Variants in PPARD observed in about 807,000 individuals in gnomAD.
PPARD encodes peroxisome proliferator-activated receptor delta.
In PPARD, 6 loss-of-function variants were observed where a neutral mutation model predicts 39.5. The ratio of observed to expected loss-of-function variants is 0.15; its 90% CI spans 0.08 to 0.30. The LOEUF (loss-of-function observed/expected upper bound fraction) is 0.30. Among genes scored for constraint, PPARD ranks in the 10% least tolerant of loss-of-function variants. The pLI is 1.00. For synonymous variants in PPARD, 210 were observed against 231.3 expected, an observed-to-expected ratio of 0.91 and a Z score of 0.83; for missense variants, 397 against 596.8, an observed-to-expected ratio of 0.67 and a Z score of 3.49.
intron 2 of PPARD, among the ~76,000 whole-genome samples, chr6:35,405,916 C>T (rs1765017948): frequency 6.6e-6 from 1 of 151,378 alleles, no homozygotes; most frequent in African/African-American, 2.4e-5. Flanking sequence ...AGGCATGAAC[C>T]ACCGCACCTG....
chr6:35,394,813 A>T (rs1047039528), intron 2 of PPARD, among the ~76,000 whole-genome samples: 2 of 151,628 alleles, frequency 1.3e-5, no homozygotes, highest in South Asian at 2.1e-4. Flanking sequence ...GATAAGCAAT[A>T]AAAAAAGTAG....
rs952086354 is a variant in PPARD, at chr6:35,366,765, G to T, written c.-102+19615G>T. On this transcript the variant is annotated intron_variant, in intron 2 of 7. Transcript: ENST00000360694. This position sits in a 1 kb window ranked among gnomAD's most constrained non-coding sequence, Gnocchi z 4.6. Reference sequence around the variant, plus strand: ...GGGTTTCACGGTGTTGGCCAGGCTGGTCTTGAACTCCTGGCCTCAAGTAAT... The same window carrying T: ...GGGTTTCACGGTGTTGGCCAGGCTGTTCTTGAACTCCTGGCCTCAAGTAAT... 6.6e-6 allele frequency among the ~76,000 whole-genome samples: 1 copy of T among 152,106 alleles called. No homozygotes were observed. Among genetic ancestry groups the T allele is most frequent in the Non-Finnish European group, 1.5e-5 (1 of 68,018 alleles).
chr6:35,373,670 TTTC>T (rs1204846992), intron 2 of PPARD, among the ~76,000 whole-genome samples: 4 of 73,276 alleles, frequency 5.5e-5, no homozygotes, highest in South Asian at 3.1e-4. Context: ...TGTTTCTTTC[TTTC>T]TTTTTTTTTT....
chr6:35,357,403 G>A (rs1224338752), intron 2 of PPARD, among the ~76,000 whole-genome samples: 1 of 152,130 alleles, frequency 6.6e-6, no homozygotes, highest in East Asian at 1.9e-4. Context: ...CCCTCAGCAC[G>A]CACATCCTGG....
In PPARD at chr6:35,359,701, C is replaced by T. The variant is rs145964912; in HGVS notation, c.-102+12551C>T. 1.2e-4 allele frequency among the ~76,000 whole-genome samples: 18 copies of T among 152,302 alleles called. No homozygotes were observed. In the East Asian group the frequency reaches 2.7e-3, roughly 23 times the overall value. On this transcript the variant is annotated intron_variant, in intron 2 of 7. Coordinates refer to ENST00000360694, the MANE Select transcript of PPARD (RefSeq NM_006238.5). ...GCTGAGCCGGTAGATAACCTAGTAA[C>T]GATCTGAGTAGAATATGGCTCCCAC...
chr6:35,383,726 G>C (rs1261289590), intron 2 of PPARD, among the ~76,000 whole-genome samples: 4 of 143,344 alleles, frequency 2.8e-5, no homozygotes, highest in Non-Finnish European at 5.9e-5. Flanking sequence ...CCACGACCCC[G>C]TCTGGGAGGT....
At position 35,400,170 on chromosome 6, in the gene PPARD, G is replaced by A. The variant is rs574537883; in HGVS notation, c.-101-10817G>A. On this transcript the variant is annotated intron_variant, in intron 2 of 7. Coordinates refer to ENST00000360694, the MANE Select transcript of PPARD (RefSeq NM_006238.5). ...TGCAGATCCCTATTCCTGCCTCCCC[G>A]CTGCAATTGCACGTCCCATTTCTCC... 6.6e-5 allele frequency among the ~76,000 whole-genome samples: 10 copies of A among 152,194 alleles called. No individual in the cohort carries two copies. In the South Asian group the frequency reaches 1.2e-3, roughly 19 times the overall value.
chr6:35,423,829 C>A, intron 5 of PPARD, 117 bp from the exon 6 acceptor site: 1 of 916,172 alleles, frequency 1.1e-6, no homozygotes, highest in Non-Finnish European at 1.6e-6. Context: ...GACTCTAGAG[C>A]TTCTGGGGGC....
rs1003133242 is a variant in PPARD at position 35,412,720 on chromosome 6, T to C, written c.130+1503T>C. Reference sequence around the variant, plus strand: ...CATCTCACCCAGGATCACCTGGGAGTGACCAAAGTAGGCCAAATGTGATTC... The same window carrying C: ...CATCTCACCCAGGATCACCTGGGAGCGACCAAAGTAGGCCAAATGTGATTC... On this transcript the variant is annotated intron_variant, in intron 3 of 7. Coordinates refer to ENST00000360694, the MANE Select transcript of PPARD (RefSeq NM_006238.5). This position sits in a 1 kb window ranked among gnomAD's most constrained non-coding sequence, Gnocchi z 4.1. Among the ~76,000 whole-genome samples the C allele has an allele frequency of 4.0e-5, 6 of 151,820 alleles. No homozygotes were observed. Among genetic ancestry groups the C allele is most frequent in the Non-Finnish European group, 4.4e-5 (3 of 67,988 alleles).
chr6:35,380,472 G>GT (rs1763082033), intron 2 of PPARD, among the ~76,000 whole-genome samples: 3 of 31,318 alleles, frequency 9.6e-5, no homozygotes, highest in Non-Finnish European at 1.9e-4. Context: ...TTTTTTTTTT[G>GT]TTTGTTTTTT....
chr6:35,409,532 C>A (rs1020926345), intron 2 of PPARD, among the ~76,000 whole-genome samples: 10 of 138,682 alleles, frequency 7.2e-5, no homozygotes, highest in South Asian at 2.6e-4. Context: ...AACAAAAAAA[C>A]CCATCAGAAA....
intron 2 of PPARD, among the ~76,000 whole-genome samples, chr6:35,404,953 TTGTGTGTGTGTGTGTGTG>T (rs59359748): frequency 2.0e-3 from 287 of 142,218 alleles, no homozygotes; most frequent in African/African-American, 6.7e-3. Flanking sequence ...ACTGCAGGCT[TTGTGTGTGTGTGTGTGTG>T]TGTGTGTGTG....
chr6:35,408,660 G>T (rs1765221082), intron 2 of PPARD, among the ~76,000 whole-genome samples: 1 of 152,230 alleles, frequency 6.6e-6, no homozygotes, highest in African/African-American at 2.4e-5. Context: ...GCAGCCGATT[G>T]CTTGGCTCTG....
intron 2 of PPARD, among the ~76,000 whole-genome samples, chr6:35,352,961 A>G (rs934336735): frequency 2.6e-5 from 4 of 152,198 alleles, no homozygotes; most frequent in African/African-American, 9.7e-5. Context: ...GGACTACACA[A>G]GGGTGTGAAT....
chr6:35,388,313 A>G (rs1763801074), intron 2 of PPARD, among the ~76,000 whole-genome samples: 1 of 152,168 alleles, frequency 6.6e-6, no homozygotes, highest in Admixed American at 6.5e-5. Context: ...CAGAGAGAAC[A>G]TGAGAGGCAG....
intron 2 of PPARD, among the ~76,000 whole-genome samples, chr6:35,384,345 C>T (rs1442836358): frequency 7.2e-6 from 1 of 139,336 alleles, no homozygotes; most frequent in African/African-American, 2.8e-5. Context: ...GCCGCCCCGT[C>T]TGGGAGGTGA....
chr6:35,395,257 G>A (rs1173161552), intron 2 of PPARD, among the ~76,000 whole-genome samples: 6 of 152,310 alleles, frequency 3.9e-5, no homozygotes, highest in Non-Finnish European at 8.8e-5. Context: ...GATTGTTTGC[G>A]CTTTAGAGAA....
intron 3 of PPARD, among the ~76,000 whole-genome samples, chr6:35,416,768 C>T (rs1399434889): frequency 1.3e-5 from 2 of 152,280 alleles, no homozygotes; most frequent in African/African-American, 4.8e-5. Context: ...AGTCCCCTTC[C>T]GTGACAGTCA....
At chr6:35,385,384 G>T (rs1422403965) in intron 2 of PPARD, among the ~76,000 whole-genome samples, 4 of 149,818 alleles carry the variant, frequency 2.7e-5, no homozygotes, top group Admixed American at 6.6e-5. Flanking sequence ...AGGGTTAAAC[G>T]GATTAAGGGC....
Sources: allele counts gnomAD v4.1 joint callset (sites outside exome capture counted in the v4.1 genomes callset), GRCh38; gene constraint gnomAD v4.1.1; non-coding constraint Gnocchi (gnomAD v3.1); transcripts MANE v1.5; gene names NCBI Gene and HGNC (gene_info 2026-07-23, HGNC 2026-07-21).